The following LRP1B variants were observed in gnomAD, a reference collection of about 807,000 sequenced individuals.
LRP1B encodes the protein LDL receptor related protein 1B.
LRP1B carries 217 observed loss-of-function variants against 556.6 expected under a neutral mutation model. That is an observed-to-expected ratio of 0.39 (90% CI 0.35 to 0.44). The LOEUF (loss-of-function observed/expected upper bound fraction) is 0.44. Ranked by LOEUF, LRP1B falls within the 20% of genes least tolerant of loss-of-function variation. The pLI is 1.00. For missense variants in LRP1B, 5,053 were observed against 5,620.8 expected, an observed-to-expected ratio of 0.90 and a Z score of 3.23; for synonymous variants, 2,047 against 1,865.8, an observed-to-expected ratio of 1.10 and a Z score of -2.50.
At chr2:140,306,227 A>G (rs1449012416) in intron 83 of LRP1B, among the ~76,000 whole-genome samples, 2 of 151,768 alleles carry the variant, frequency 1.3e-5, no homozygotes, top group African/African-American at 4.8e-5. Context: ...CAGAAGGAAT[A>G]GTACCAGCTC....
chr2:140,756,584 T>C (rs1688747434), intron 35 of LRP1B, among the ~76,000 whole-genome samples: 2 of 152,140 alleles, frequency 1.3e-5, no homozygotes, highest in Admixed American at 1.3e-4. Context: ...GTGGAAAGAC[T>C]CGTCTTTTAT....
chr2:141,703,548 C>T (rs1692028931), intron 2 of LRP1B, among the ~76,000 whole-genome samples: 1 of 151,928 alleles, frequency 6.6e-6, no homozygotes. Flanking sequence ...TGTGCCAAGG[C>T]ACTTTGGATT....
At chr2:141,739,650 G>T in intron 2 of LRP1B, among the ~76,000 whole-genome samples, 1 of 148,262 alleles carries the variant, frequency 6.7e-6, no homozygotes, top group Non-Finnish European at 1.5e-5. Context: ...AAAGAAAGTT[G>T]TTAGCATAAT....
chr2:141,302,168 T>C (rs1203097341), intron 3 of LRP1B, among the ~76,000 whole-genome samples: 2 of 152,064 alleles, frequency 1.3e-5, no homozygotes, highest in Non-Finnish European at 2.9e-5. Flanking sequence ...GAGAAAACAA[T>C]GTTTACCAGT....
At chr2:140,364,616 A>G in intron 72 of LRP1B, 45 bp downstream of exon 72, 1 of 1,597,144 alleles carries the variant, frequency 6.3e-7, no homozygotes, top group Non-Finnish European at 8.5e-7. Flanking sequence ...GGTGCCTGAG[A>G]TCAGAAGATA....
chr2:141,060,423 C>T (rs1180805323), intron 8 of LRP1B, among the ~76,000 whole-genome samples: 1 of 151,716 alleles, frequency 6.6e-6, no homozygotes, highest in East Asian at 1.9e-4. Context: ...CATTTTCCAC[C>T]TAGCTGACAT....
chr2:141,161,694 C>T (rs1416299642), intron 7 of LRP1B, among the ~76,000 whole-genome samples: 1 of 152,052 alleles, frequency 6.6e-6, no homozygotes, highest in African/African-American at 2.4e-5. Context: ...TATTGTCCAA[C>T]CAGAATAATA....
At chr2:140,765,167 A>C (rs1411755929) in intron 35 of LRP1B, among the ~76,000 whole-genome samples, 1 of 152,082 alleles carries the variant, frequency 6.6e-6, no homozygotes, top group Non-Finnish European at 1.5e-5. Flanking sequence ...TTAGACGTGA[A>C]GTTCTAAACC....
intron 35 of LRP1B, among the ~76,000 whole-genome samples, chr2:140,743,993 T>TAAA (rs1297190080): frequency 0.044 from 315 of 7,158 alleles, 74 homozygotes; most frequent in African/African-American, 0.055. Flanking sequence ...AAAAAAAAAG[T>TAAA]AAAAAGTAAA....
chr2:140,845,575 C>A (rs892573540), intron 29 of LRP1B, among the ~76,000 whole-genome samples: 2 of 151,678 alleles, frequency 1.3e-5, no homozygotes, highest in Non-Finnish European at 2.9e-5. Context: ...AGGTCCAATC[C>A]TCCAAAATCT....
intron 46 of LRP1B, among the ~76,000 whole-genome samples, chr2:140,536,311 TAAAAAA>T (rs70988404): frequency 4.8e-5 from 3 of 61,894 alleles, no homozygotes; most frequent in South Asian, 5.5e-4. Flanking sequence ...CCCGTCTCTT[TAAAAAA>T]AAAAAAAAAA....
At chr2:140,421,322 TAAAAG>T (rs1685433452) in intron 66 of LRP1B, among the ~76,000 whole-genome samples, 1 of 152,174 alleles carries the variant, frequency 6.6e-6, no homozygotes, top group South Asian at 2.1e-4. Flanking sequence ...ATAAAGTTGT[TAAAAG>T]AATGCATAAA....
At chr2:140,678,837 G>T (rs1685764798) in intron 41 of LRP1B, among the ~76,000 whole-genome samples, 1 of 151,202 alleles carries the variant, frequency 6.6e-6, no homozygotes, top group African/African-American at 2.4e-5. Flanking sequence ...GAGTGCAATG[G>T]CATAGTCTTG....
At chr2:141,101,372 C>T (rs1700456961) in intron 7 of LRP1B, among the ~76,000 whole-genome samples, 1 of 151,984 alleles carries the variant, frequency 6.6e-6, no homozygotes, top group South Asian at 2.1e-4. Context: ...CACTCTAAAG[C>T]CACATGAGTC....
chr2:141,607,248 T>A (rs553625235), intron 2 of LRP1B, among the ~76,000 whole-genome samples: 31 of 152,148 alleles, frequency 2.0e-4, no homozygotes, highest in Middle Eastern at 3.4e-3. Context: ...TTAGGAGTGA[T>A]ACAAAAACAT....
intron 41 of LRP1B, among the ~76,000 whole-genome samples, chr2:140,609,968 G>A (rs1382051869): frequency 1.3e-5 from 2 of 151,820 alleles, no homozygotes; most frequent in African/African-American, 2.4e-5. Flanking sequence ...CCTTATCTCG[G>A]GTTAGTGTCC....
At chr2:141,655,820 T>C (rs1231900055) in intron 2 of LRP1B, among the ~76,000 whole-genome samples, 2 of 152,156 alleles carry the variant, frequency 1.3e-5, no homozygotes, top group Non-Finnish European at 2.9e-5. Context: ...AGGTTTCAGT[T>C]ATTACTTTGC....
intron 2 of LRP1B, among the ~76,000 whole-genome samples, chr2:141,779,670 C>G (rs1169269821): frequency 1.3e-5 from 2 of 152,022 alleles, no homozygotes; most frequent in East Asian, 3.9e-4. Context: ...ATACTACATA[C>G]TTTTCATATA....
chr2:141,174,919 T>TTGAGA (rs1680669081), intron 7 of LRP1B, among the ~76,000 whole-genome samples: 1 of 152,006 alleles, frequency 6.6e-6, no homozygotes, highest in Non-Finnish European at 1.5e-5. Context: ...CAGAGGTGGT[T>TTGAGA]TTAGATTGAG....
Sources: allele counts gnomAD v4.1 joint callset (sites outside exome capture counted in the v4.1 genomes callset), GRCh38; gene constraint gnomAD v4.1.1; transcripts MANE v1.5; gene names NCBI Gene and HGNC (gene_info 2026-07-23, HGNC 2026-07-21).